CCR3: variants seen among roughly 807,000 people sequenced by gnomAD.
CCR3 encodes C-C motif chemokine receptor 3, also known as C-C chemokine receptor type 3.
For missense variants in CCR3, 419 were observed against 437.5 expected (o/e 0.96, Z 0.38); for synonymous variants, 203 against 179.2 (o/e 1.13, Z -1.06).
intron 1 of CCR3, among the ~76,000 whole-genome samples, chr3:46,247,150 C>A (rs746008967): frequency 1.3e-5 from 2 of 152,028 alleles, no homozygotes; most frequent in African/African-American, 4.8e-5. Context: ...TTAAGAGCGG[C>A]GGTTTGGGGA....
intron 2 of CCR3, among the ~76,000 whole-genome samples, chr3:46,212,345 G>A (rs887920465): frequency 3.3e-5 from 5 of 152,136 alleles, no homozygotes; most frequent in African/African-American, 9.7e-5. Context: ...CTGATCCCAG[G>A]CTATTTCCAG....
At chr3:46,234,236 T>C (rs1017742424) in intron 2 of CCR3, among the ~76,000 whole-genome samples, 4 of 152,222 alleles carry the variant, frequency 2.6e-5, no homozygotes, top group African/African-American at 9.6e-5. Flanking sequence ...CTCAGGGGCC[T>C]TTAATGCACT....
chr3:46,211,122 G>A (rs1047855840), intron 2 of CCR3, among the ~76,000 whole-genome samples: 1 of 152,002 alleles, frequency 6.6e-6, no homozygotes. Context: ...TCTACAGAGG[G>A]CTTGTTAAAA....
chr3:46,236,388 T>C (rs1452985034), intron 2 of CCR3, among the ~76,000 whole-genome samples: 1 of 152,232 alleles, frequency 6.6e-6, no homozygotes, highest in Non-Finnish European at 1.5e-5. Context: ...CAAGGCCACA[T>C]GGGCTCTGCT....
At chr3:46,230,204 C>T (rs1699946045) in intron 2 of CCR3, among the ~76,000 whole-genome samples, 1 of 152,184 alleles carries the variant, frequency 6.6e-6, no homozygotes, top group African/African-American at 2.4e-5. Flanking sequence ...ATGACACTCT[C>T]CTTCTATAAG....
intron 2 of CCR3, among the ~76,000 whole-genome samples, chr3:46,214,520 C>G (rs1211345115): frequency 6.6e-6 from 1 of 152,176 alleles, no homozygotes; most frequent in East Asian, 1.9e-4. Flanking sequence ...TTCCTCCCAT[C>G]TTTCTGCTCT....
At chr3:46,244,367 A>G (rs1235007627) in intron 1 of CCR3, among the ~76,000 whole-genome samples, 1 of 152,232 alleles carries the variant, frequency 6.6e-6, no homozygotes, top group Admixed American at 6.5e-5. Context: ...CAAGTGTACT[A>G]TCTTTCATGC....
intron 1 of CCR3, among the ~76,000 whole-genome samples, chr3:46,257,463 C>T (rs1309083743): frequency 3.5e-4 from 46 of 130,478 alleles, no homozygotes; most frequent in Non-Finnish European, 6.7e-4. Context: ...GAAAAAAGTT[C>T]ACCAGTCTCT....
At chr3:46,264,194 C>T (rs990177883) in intron 1 of CCR3, 2 of 530,482 alleles carry the variant, frequency 3.8e-6, no homozygotes, top group Admixed American at 7.2e-5. Context: ...ACTGACCCCT[C>T]CTGCTTACCC....
At chr3:46,230,985 C>T (rs183334804) in intron 2 of CCR3, among the ~76,000 whole-genome samples, 204 of 152,254 alleles carry the variant, frequency 1.3e-3, no homozygotes, top group Non-Finnish European at 2.3e-3. Context: ...AGTGCAGTGG[C>T]GCGATCTTGG....
chr3:46,245,249 G>A (rs1700168177), intron 1 of CCR3, among the ~76,000 whole-genome samples: 1 of 151,512 alleles, frequency 6.6e-6, no homozygotes, highest in African/African-American at 2.4e-5. Context: ...GGCTCTTCTT[G>A]TGTATTTCCA....
intron 1 of CCR3, among the ~76,000 whole-genome samples, chr3:46,252,424 C>T (rs1264114261): frequency 6.6e-6 from 1 of 151,926 alleles, no homozygotes; most frequent in African/African-American, 2.4e-5. Flanking sequence ...AATGATCCAC[C>T]CACCTTGGCC....
intron 2 of CCR3, among the ~76,000 whole-genome samples, chr3:46,223,775 G>A (rs1699862794): frequency 6.6e-6 from 1 of 152,188 alleles, no homozygotes; most frequent in Admixed American, 6.5e-5. Context: ...TGACAAAGAA[G>A]GGAGAGAGAC....
intron 1 of CCR3, among the ~76,000 whole-genome samples, chr3:46,243,002 T>TACACATATATATATATATATAC (rs71095087): frequency 8.1e-6 from 1 of 123,726 alleles, no homozygotes; most frequent in Non-Finnish European, 1.6e-5. Context: ...TATATATATA[T>TACACATATATATATATATATAC]ACGCACACAC....
intron 1 of CCR3, chr3:46,264,603 T>C: frequency 1.7e-6 from 1 of 584,420 alleles, no homozygotes; most frequent in South Asian, 2.1e-5. Flanking sequence ...ACTAAATTTC[T>C]TCAAGGTTCA....
rs374869478 is a variant in CCR3 at position 46,254,944 on chromosome 3, T to C, written c.-11-10204T>C. ...GGAGTAGGATTGATGGATCAAATGA[T>C]AGATCGACTTTTAATTCTTCAAGGA... On this transcript the variant is annotated intron_variant, in intron 1 of 1. Transcript: ENST00000395940. Among the ~76,000 whole-genome samples the C allele has an allele frequency of 6.6e-5, 10 of 152,312 alleles. No individual in the cohort carries two copies. In the East Asian group the frequency reaches 1.3e-3, roughly 21 times the overall value.
chr3:46,224,102 T>C (rs528390793), intron 2 of CCR3, among the ~76,000 whole-genome samples: 1 of 152,138 alleles, frequency 6.6e-6, no homozygotes, highest in African/African-American at 2.4e-5. Context: ...GTTTTTTAAA[T>C]AGGCAAAAGA....
chr3:46,214,351 G>T (rs897690319), intron 2 of CCR3, among the ~76,000 whole-genome samples: 1 of 152,098 alleles, frequency 6.6e-6, no homozygotes, highest in Non-Finnish European at 1.5e-5. Context: ...CCATGTTCCT[G>T]TCTAAACCCA....
chr3:46,217,345 G>T (rs1242109573), intron 2 of CCR3, among the ~76,000 whole-genome samples: 1 of 151,928 alleles, frequency 6.6e-6, no homozygotes, highest in East Asian at 1.9e-4. Flanking sequence ...AAATGAGATT[G>T]ATGGCAACAC....
Sources: gnomAD v4.1 joint callset for allele counts (sites outside exome capture counted in the v4.1 genomes callset) on GRCh38, gnomAD v4.1.1 for gene constraint, MANE v1.5 for transcripts, NCBI Gene and HGNC (gene_info 2026-07-23, HGNC 2026-07-21) for gene names.